Variants in ADAMTSL1 observed in about 807,000 individuals in gnomAD.
ADAMTSL1 encodes the protein ADAMTS like 1, also known as ADAMTS-like protein 1.
ADAMTSL1 carries 126 observed loss-of-function variants against 201.8 expected under a neutral mutation model. The ratio of observed to expected loss-of-function variants is 0.62; its 90% CI spans 0.54 to 0.72. ADAMTSL1 has a LOEUF of 0.72. Among genes scored for constraint, ADAMTSL1 ranks in the 30% least tolerant of loss-of-function variants. The pLI is 0.00. For synonymous variants in ADAMTSL1, 1,121 were observed against 903.4 expected (o/e 1.24, Z -4.32); for missense variants, 2,679 against 2,277.8 (o/e 1.18, Z -3.59).
chr9:18,441,182 G>A (rs956354055), intron 2 of ADAMTSL1, among the ~76,000 whole-genome samples: 25 of 139,804 alleles, frequency 1.8e-4, no homozygotes, highest in Non-Finnish European at 3.5e-4. Context: ...AGAGGAATGG[G>A]GTTTCTTTTG....
chr9:18,544,469 A>G (rs902738458), intron 3 of ADAMTSL1, among the ~76,000 whole-genome samples: 27 of 152,184 alleles, frequency 1.8e-4, no homozygotes, highest in African/African-American at 6.3e-4. Context: ...TCTTTCTAGT[A>G]TACTTAAAGG....
At chr9:18,590,049 G>T (rs1823806339) in intron 4 of ADAMTSL1, among the ~76,000 whole-genome samples, 1 of 152,040 alleles carries the variant, frequency 6.6e-6, no homozygotes, top group South Asian at 2.1e-4. Flanking sequence ...TCTTTGTCTG[G>T]TTTTGGTATT....
intron 7 of ADAMTSL1, among the ~76,000 whole-genome samples, chr9:18,657,432 A>C (rs1828761800): frequency 6.6e-6 from 1 of 152,230 alleles, no homozygotes; most frequent in African/African-American, 2.4e-5. Context: ...CAGAACTCAG[A>C]AGATAATGAT....
At chr9:18,194,177 G>C (rs1829082204) in intron 2 of ADAMTSL1, among the ~76,000 whole-genome samples, 1 of 152,090 alleles carries the variant, frequency 6.6e-6, no homozygotes, top group South Asian at 2.1e-4. Flanking sequence ...CAGTGCTAAA[G>C]TGATGACCTT....
intron 2 of ADAMTSL1, among the ~76,000 whole-genome samples, chr9:18,353,440 G>A (rs1005373475): frequency 3.3e-5 from 5 of 152,126 alleles, no homozygotes; most frequent in South Asian, 2.1e-4. Flanking sequence ...AGATAAATTC[G>A]TGGACATCCA....
At chr9:18,167,132 C>T (rs757891131) in intron 2 of ADAMTSL1, among the ~76,000 whole-genome samples, 8 of 151,902 alleles carry the variant, frequency 5.3e-5, no homozygotes, top group South Asian at 2.1e-4. Context: ...GTTTGTCAAA[C>T]GCTTTTATTC....
intron 1 of ADAMTSL1, among the ~76,000 whole-genome samples, chr9:18,493,978 G>T (rs1480962320): frequency 2.0e-5 from 3 of 152,162 alleles, no homozygotes; most frequent in Non-Finnish European, 4.4e-5. Context: ...TCCACTTCTG[G>T]GGATAGATGT....
intron 23 of ADAMTSL1, among the ~76,000 whole-genome samples, chr9:18,830,275 T>A (rs76707987): frequency 6.6e-6 from 1 of 152,116 alleles, no homozygotes; most frequent in Admixed American, 6.6e-5. Flanking sequence ...TCTTGAAACT[T>A]TGAGAAAGTT....
intron 4 of ADAMTSL1, among the ~76,000 whole-genome samples, chr9:18,596,129 A>T (rs1824247995): frequency 6.6e-6 from 1 of 152,232 alleles, no homozygotes; most frequent in Admixed American, 6.5e-5. Context: ...TTCCATTTAC[A>T]TTTAAGATAT....
upstream of ADAMTSL1, among the ~76,000 whole-genome samples, chr9:18,472,275 A>C (rs1471468919): frequency 6.6e-6 from 1 of 152,234 alleles, no homozygotes; most frequent in African/African-American, 2.4e-5. Context: ...TTTCAGACAA[A>C]AACAATAGTG....
intron 15 of ADAMTSL1, chr9:18,723,253 C>T (rs1051167904): frequency 9.7e-6 from 6 of 621,132 alleles, no homozygotes; most frequent in Admixed American, 2.6e-5. Context: ...ACAGCTACTC[C>T]TGCTGCTGTG....
intron 23 of ADAMTSL1, among the ~76,000 whole-genome samples, chr9:18,886,203 T>TACACAC (rs1563888251): frequency 4.0e-5 from 5 of 126,434 alleles, no homozygotes; most frequent in African/African-American, 1.8e-4. Flanking sequence ...TATATATATA[T>TACACAC]ATATATATAC....
At chr9:18,462,898 C>T (rs975296740) in intron 2 of ADAMTSL1, among the ~76,000 whole-genome samples, 1 of 151,734 alleles carries the variant, frequency 6.6e-6, no homozygotes, top group African/African-American at 2.4e-5. Flanking sequence ...GAGGGAGCAC[C>T]ACTGCACTCC....
chr9:17,994,556 C>CT (rs2131509813), intron 1 of ADAMTSL1, among the ~76,000 whole-genome samples: 1 of 152,180 alleles, frequency 6.6e-6, no homozygotes, highest in Non-Finnish European at 1.5e-5. Context: ...TTTGGTCATT[C>CT]TTTTTTCTGT....
chr9:18,591,590 T>C (rs1048811515), intron 4 of ADAMTSL1, among the ~76,000 whole-genome samples: 1 of 152,212 alleles, frequency 6.6e-6, no homozygotes, highest in Non-Finnish European at 1.5e-5. Flanking sequence ...GTAACCTCTC[T>C]CTTCCTTTTT....
At chr9:17,923,779 AT>A (rs1826403950) in intron 1 of ADAMTSL1, among the ~76,000 whole-genome samples, 1 of 139,432 alleles carries the variant, frequency 7.2e-6, no homozygotes, top group Non-Finnish European at 1.5e-5. Context: ...GATAGCTCTT[AT>A]TATTTTGAGA....
chr9:18,575,046 C>G (rs1169163207), intron 4 of ADAMTSL1, among the ~76,000 whole-genome samples: 1 of 152,176 alleles, frequency 6.6e-6, no homozygotes, highest in Non-Finnish European at 1.5e-5. Flanking sequence ...GAAGCAGACA[C>G]AAAATTTTGA....
chr9:18,434,645 T>C (rs1819643747), intron 2 of ADAMTSL1, among the ~76,000 whole-genome samples: 2 of 152,318 alleles, frequency 1.3e-5, no homozygotes, highest in South Asian at 4.1e-4. Context: ...AGGTATGGCA[T>C]CTCTATCCTG....
chr9:18,039,024 C>A (rs1237629090), intron 1 of ADAMTSL1, among the ~76,000 whole-genome samples: 1 of 151,708 alleles, frequency 6.6e-6, no homozygotes, highest in African/African-American at 2.4e-5. Context: ...TAACCCAGAG[C>A]CTAACCCAGA....
Sources: allele counts gnomAD v4.1 joint callset (sites outside exome capture counted in the v4.1 genomes callset), GRCh38; gene constraint gnomAD v4.1.1; transcripts MANE v1.5; gene names NCBI Gene and HGNC (gene_info 2026-07-23, HGNC 2026-07-21).